KCNK9: variants seen among roughly 807,000 people sequenced by gnomAD.
KCNK9 encodes the protein potassium two pore domain channel subfamily K member 9.
KCNK9 carries 1 observed loss-of-function variant against 10.8 expected under a neutral mutation model. The observed-to-expected ratio is 0.09, with a 90% confidence interval of 0.03 to 0.44. The LOEUF is 0.44. Ranked by LOEUF, KCNK9 falls within the 20% of genes least tolerant of loss-of-function variation. The pLI, the probability that KCNK9 is intolerant of heterozygous loss-of-function variation, is 0.97. For synonymous variants in KCNK9, 231 were observed against 222.7 expected, an observed-to-expected ratio of 1.04 and a Z score of -0.33; for missense variants, 303 against 515.0, an observed-to-expected ratio of 0.59 and a Z score of 3.98.
chr8:139,602,733 A>T (rs1230960141), intron 2 of KCNK9, among the ~76,000 whole-genome samples: 1 of 152,210 alleles, frequency 6.6e-6, no homozygotes, highest in Non-Finnish European at 1.5e-5. Flanking sequence ...AAAACAAAGA[A>T]GTTCTGATAC....
intron 1 of KCNK9, among the ~76,000 whole-genome samples, chr8:139,676,952 AAAACAAAC>A (rs200581893): frequency 3.9e-5 from 6 of 152,214 alleles, no homozygotes; most frequent in Admixed American, 2.6e-4. Flanking sequence ...ACTGTCTCAA[AAAACAAAC>A]AAACAAACAA....
intron 1 of KCNK9, among the ~76,000 whole-genome samples, chr8:139,666,081 T>A (rs1184835414): frequency 6.6e-6 from 1 of 152,222 alleles, no homozygotes; most frequent in African/African-American, 2.4e-5. Context: ...CATCTGGGAT[T>A]TGATCCCAGC....
chr8:139,667,724 C>T (rs889212185), intron 1 of KCNK9, among the ~76,000 whole-genome samples: 1 of 152,076 alleles, frequency 6.6e-6, no homozygotes, highest in Non-Finnish European at 1.5e-5. Flanking sequence ...CACAACATTC[C>T]TTATAACGGC....
intron 1 of KCNK9, among the ~76,000 whole-genome samples, chr8:139,656,332 C>T (rs1245131384): frequency 3.3e-5 from 5 of 152,204 alleles, no homozygotes; most frequent in African/African-American, 1.2e-4. Flanking sequence ...CTCTTTGGCC[C>T]CTCCAGCCCA....
chr8:139,651,942 C>T (rs1815878608), intron 1 of KCNK9, among the ~76,000 whole-genome samples: 1 of 152,012 alleles, frequency 6.6e-6, no homozygotes, highest in Admixed American at 6.6e-5. Flanking sequence ...GGAGACTCAC[C>T]CATCACCATT....
intron 1 of KCNK9, among the ~76,000 whole-genome samples, chr8:139,631,831 TA>T (rs575711189): frequency 2.0e-5 from 3 of 152,096 alleles, no homozygotes; most frequent in South Asian, 2.1e-4. Flanking sequence ...ATATTTTGTT[TA>T]AAAAAAAGTG....
intron 1 of KCNK9, among the ~76,000 whole-genome samples, chr8:139,650,267 C>A (rs1390661494): frequency 2.0e-5 from 3 of 152,210 alleles, no homozygotes; most frequent in African/African-American, 7.2e-5. Context: ...GCTAACCAGG[C>A]AGAGCCTTAG....
intron 1 of KCNK9, among the ~76,000 whole-genome samples, chr8:139,663,695 TAGAGAG>T (rs531755206): frequency 8.9e-6 from 1 of 112,148 alleles, no homozygotes; most frequent in Non-Finnish European, 1.8e-5. Context: ...GAGAGAGAGA[TAGAGAG>T]AGAGAAGGTG....
At chr8:139,664,618 A>T (rs1358243635) in intron 1 of KCNK9, among the ~76,000 whole-genome samples, 1 of 152,132 alleles carries the variant, frequency 6.6e-6, no homozygotes, top group Non-Finnish European at 1.5e-5. Context: ...TCAGGTGCCA[A>T]CCACAGACAG....
downstream of KCNK9, among the ~76,000 whole-genome samples, chr8:139,610,898 T>C (rs1814403510): frequency 6.6e-6 from 1 of 152,254 alleles, no homozygotes; most frequent in Non-Finnish European, 1.5e-5. Context: ...AGGATTCCAC[T>C]GACGGTGGGA....
At chr8:139,659,515 T>TTTG (rs1002772359) in intron 1 of KCNK9, among the ~76,000 whole-genome samples, 1 of 152,030 alleles carries the variant, frequency 6.6e-6, no homozygotes, top group Non-Finnish European at 1.5e-5. Context: ...GGATTTTATT[T>TTTG]TTGTTGTTGT....
chr8:139,684,439 T>C (rs1816749114), intron 1 of KCNK9, among the ~76,000 whole-genome samples: 1 of 152,240 alleles, frequency 6.6e-6, no homozygotes, highest in South Asian at 2.1e-4. Flanking sequence ...TATTTTTATG[T>C]CTTTTGTTAT....
At chr8:139,603,347 A>C (rs1817414665) in intron 2 of KCNK9, among the ~76,000 whole-genome samples, 1 of 152,206 alleles carries the variant, frequency 6.6e-6, no homozygotes, top group South Asian at 2.1e-4. Flanking sequence ...TGGGGTTAGA[A>C]TCTCAGGTGT....
chr8:139,664,345 C>G (rs1043850841), intron 1 of KCNK9, among the ~76,000 whole-genome samples: 2 of 152,188 alleles, frequency 1.3e-5, no homozygotes, highest in Non-Finnish European at 2.9e-5. Flanking sequence ...GTCCAGGGAG[C>G]TGCTCTGTCT....
At chr8:139,634,787 T>C (rs1815288403) in intron 1 of KCNK9, among the ~76,000 whole-genome samples, 1 of 152,140 alleles carries the variant, frequency 6.6e-6, no homozygotes, top group South Asian at 2.1e-4. Context: ...AGGGGAATCC[T>C]TGGCTTGAGG....
At chr8:139,663,693 G>A (rs1055942103) in intron 1 of KCNK9, among the ~76,000 whole-genome samples, 1 of 150,380 alleles carries the variant, frequency 6.6e-6, no homozygotes, top group African/African-American at 2.4e-5. Flanking sequence ...TAGAGAGAGA[G>A]ATAGAGAGAG....
chr8:139,669,596 C>G (rs1168775908), intron 1 of KCNK9, among the ~76,000 whole-genome samples: 1 of 152,232 alleles, frequency 6.6e-6, no homozygotes, highest in East Asian at 1.9e-4. Flanking sequence ...GGCTCCACTT[C>G]TAATTCTAGT....
intron 1 of KCNK9, among the ~76,000 whole-genome samples, chr8:139,674,374 A>G (rs114545363): frequency 0.016 from 2,374 of 152,222 alleles, 58 homozygotes; most frequent in African/African-American, 0.054. Context: ...TCCAGCCTCT[A>G]CTCTGTGAGA....
At chr8:139,648,559 T>G (rs564350743) in intron 1 of KCNK9, among the ~76,000 whole-genome samples, 2 of 152,172 alleles carry the variant, frequency 1.3e-5, no homozygotes, top group African/African-American at 4.8e-5. Context: ...TAGCCCAGCA[T>G]ACAAATTCAG....
Sources: gnomAD v4.1 joint callset for allele counts (sites outside exome capture counted in the v4.1 genomes callset) on GRCh38, gnomAD v4.1.1 for gene constraint, MANE v1.5 for transcripts, NCBI Gene and HGNC (gene_info 2026-07-23, HGNC 2026-07-21) for gene names.